The following NAALADL2 variants were observed in gnomAD, a reference collection of about 807,000 sequenced individuals.
NAALADL2 encodes N-acetylated alpha-linked acidic dipeptidase like 2.
NAALADL2 carries 76 observed loss-of-function variants against 87.2 expected under a neutral mutation model. That is an observed-to-expected ratio of 0.87 (90% CI 0.72 to 1.05). NAALADL2 has a LOEUF of 1.05. Among genes scored for constraint, NAALADL2 ranks in the 50% least tolerant of loss-of-function variants. NAALADL2 has a pLI of 0.00. For synonymous variants in NAALADL2, 354 were observed against 331.0 expected (o/e 1.07, Z -0.75); for missense variants, 1,089 against 945.8 (o/e 1.15, Z -1.99).
intron 1 of NAALADL2, among the ~76,000 whole-genome samples, chr3:174,875,446 A>G (rs1579305576): frequency 6.6e-6 from 1 of 152,134 alleles, no homozygotes; most frequent in African/African-American, 2.4e-5. Context: ...GACAGACCCC[A>G]GATTAAGAAT....
rs145193706 is a variant in NAALADL2 at position 174,788,457 on chromosome 3, C to T, written c.-9+50711C>T. On this transcript the variant is annotated intron_variant, in intron 3 of 3. Coordinates refer to the NAALADL2 transcript ENST00000434257. ...TAGAAGTACAAAATCCAGGGGTCAA[C>T]CAGTTTGGTTTCTTCTTAAATCTCT... Among the ~76,000 whole-genome samples the T allele has an allele frequency of 1.8e-3, 273 of 152,260 alleles. 1 individual carries two copies. The highest frequency in any genetic ancestry group is 6.3e-3 in the African/African-American group (262 of 41,554).
At chr3:175,447,421 C>G (rs374544894) in intron 6 of NAALADL2, 49 bp downstream of exon 6, 415 of 1,296,896 alleles carry the variant, frequency 3.2e-4, no homozygotes, top group Non-Finnish European at 4.1e-4. Context: ...TTTTAAAGAC[C>G]ATGATCATTT....
intron 1 of NAALADL2, among the ~76,000 whole-genome samples, chr3:174,483,670 G>T (rs530311137): frequency 1.4e-3 from 216 of 152,082 alleles, no homozygotes; most frequent in Non-Finnish European, 1.9e-3. Context: ...AGCCTTCTTT[G>T]GCAGCCTCAA....
At chr3:174,714,376 G>A (rs1308541886) in intron 2 of NAALADL2, among the ~76,000 whole-genome samples, 2 of 152,082 alleles carry the variant, frequency 1.3e-5, no homozygotes, top group East Asian at 1.9e-4. Flanking sequence ...CATTGAATCT[G>A]TAAATTACCT....
intron 1 of NAALADL2, among the ~76,000 whole-genome samples, chr3:174,956,447 A>G (rs1327261906): frequency 6.6e-6 from 1 of 152,092 alleles, no homozygotes; most frequent in Non-Finnish European, 1.5e-5. Flanking sequence ...ATCGTTGGAC[A>G]TGGGCAATTT....
At chr3:175,733,998 T>G (rs1315941951) in intron 11 of NAALADL2, among the ~76,000 whole-genome samples, 3 of 152,196 alleles carry the variant, frequency 2.0e-5, no homozygotes, top group African/African-American at 7.2e-5. Flanking sequence ...GCCCCCCTCC[T>G]GGCTGCTTTT....
chr3:174,719,090 G>A lies in NAALADL2; in HGVS notation c.-114-18551G>A, dbSNP rs187572772. On this transcript the variant is annotated intron_variant, in intron 2 of 3. Transcript: ENST00000434257. ...AAGACGACTTCTCATTAAGAAAGGT[G>A]GTTTATATTCACCATGCTTCATTTG... Among the ~76,000 whole-genome samples, 216 of 151,954 alleles carry A rather than the reference G, an allele frequency of 1.4e-3. 1 individual carries two copies. Among genetic ancestry groups the A allele is most frequent in the Middle Eastern group, 6.8e-3 (2 of 294 alleles).
At chr3:174,737,417 T>C (rs1016994679) in intron 2 of NAALADL2, among the ~76,000 whole-genome samples, 6 of 152,262 alleles carry the variant, frequency 3.9e-5, no homozygotes, top group African/African-American at 1.4e-4. Flanking sequence ...AGTATTTGTG[T>C]GTTTTTGTAT....
intron 11 of NAALADL2, among the ~76,000 whole-genome samples, chr3:175,715,549 T>C (rs530818114): frequency 8.7e-4 from 132 of 152,200 alleles, no homozygotes; most frequent in Non-Finnish European, 1.6e-3. Flanking sequence ...CAAAGAATGT[T>C]AGGACGTCAA....
chr3:174,475,596 AC>A (rs769274029), intron 1 of NAALADL2, among the ~76,000 whole-genome samples: 58 of 152,122 alleles, frequency 3.8e-4, no homozygotes, highest in Admixed American at 2.0e-3. Context: ...TTAATCAAGC[AC>A]TCATTCATTC....
chr3:175,195,915 C>T (rs542365734), intron 2 of NAALADL2, among the ~76,000 whole-genome samples: 20 of 151,998 alleles, frequency 1.3e-4, no homozygotes, highest in Non-Finnish European at 2.2e-4. Context: ...GTGTAATGAG[C>T]TTTAAAGATG....
At chr3:175,643,294 T>A (rs1327340094) in intron 11 of NAALADL2, among the ~76,000 whole-genome samples, 1 of 152,228 alleles carries the variant, frequency 6.6e-6, no homozygotes, top group Non-Finnish European at 1.5e-5. Context: ...GCATTTATTG[T>A]TTCCAACAAC....
chr3:175,764,865 A>C (rs540143782), intron 13 of NAALADL2, among the ~76,000 whole-genome samples: 3 of 152,246 alleles, frequency 2.0e-5, no homozygotes, highest in African/African-American at 7.2e-5. Flanking sequence ...CTCATTATAC[A>C]GTTTTCATGG....
At chr3:175,323,559 C>T (rs1760230418) in intron 4 of NAALADL2, among the ~76,000 whole-genome samples, 1 of 151,506 alleles carries the variant, frequency 6.6e-6, no homozygotes, top group African/African-American at 2.4e-5. Context: ...AGTTAAAATC[C>T]ACTTAGTTAA....
chr3:175,615,433 C>T (rs1325246210), intron 10 of NAALADL2, among the ~76,000 whole-genome samples: 2 of 152,006 alleles, frequency 1.3e-5, no homozygotes, highest in Non-Finnish European at 2.9e-5. Flanking sequence ...GTCCTGAAAT[C>T]CCTATGATGA....
At chr3:174,775,661 A>G (rs989260956) in intron 3 of NAALADL2, among the ~76,000 whole-genome samples, 2 of 152,158 alleles carry the variant, frequency 1.3e-5, no homozygotes, top group African/African-American at 4.8e-5. Flanking sequence ...CACAGTGCAG[A>G]TCTCCCCACA....
chr3:174,790,198 A>G (rs1717289231), intron 3 of NAALADL2, among the ~76,000 whole-genome samples: 2 of 152,170 alleles, frequency 1.3e-5, no homozygotes, highest in Admixed American at 1.3e-4. Flanking sequence ...GGAAAGAGTC[A>G]AGATCGGGGA....
At chr3:175,512,400 CT>C (rs1184164113) in intron 9 of NAALADL2, among the ~76,000 whole-genome samples, 4 of 152,052 alleles carry the variant, frequency 2.6e-5, no homozygotes, top group Non-Finnish European at 4.4e-5. Context: ...AATAACTGAA[CT>C]TTTAAATAAT....
At chr3:174,750,849 C>G (rs2109037367) in intron 3 of NAALADL2, among the ~76,000 whole-genome samples, 1 of 152,308 alleles carries the variant, frequency 6.6e-6, no homozygotes, top group East Asian at 1.9e-4. Context: ...AGAGATCTTT[C>G]ATATATCTCA....
Sources: allele counts gnomAD v4.1 joint callset (sites outside exome capture counted in the v4.1 genomes callset), GRCh38; gene constraint gnomAD v4.1.1; transcripts MANE v1.5; gene names NCBI Gene and HGNC (gene_info 2026-07-23, HGNC 2026-07-21).